The following BANK1 variants were observed in gnomAD, a reference collection of about 807,000 sequenced individuals.
BANK1 encodes B cell scaffold protein with ankyrin repeats 1.
Under a neutral mutation model 94.5 loss-of-function variants are expected in BANK1, and 95 were observed. That is an observed-to-expected ratio of 1.00 (90% CI 0.85 to 1.19). BANK1 has a LOEUF of 1.19. Among genes scored for constraint, BANK1 ranks in the 50% most tolerant of loss-of-function variants. The pLI is 0.00. For synonymous variants in BANK1, 334 were observed against 308.4 expected (o/e 1.08, Z -0.87); for missense variants, 987 against 932.2 (o/e 1.06, Z -0.77).
intron 9 of BANK1, among the ~76,000 whole-genome samples, chr4:102,027,446 T>G (rs1263582615): frequency 1.3e-5 from 2 of 152,202 alleles, no homozygotes; most frequent in Non-Finnish European, 2.9e-5. Context: ...TTTTTACATT[T>G]TATATTCAGT....
intron 7 of BANK1, among the ~76,000 whole-genome samples, chr4:101,924,081 C>T (rs1051357830): frequency 4.0e-5 from 6 of 151,536 alleles, no homozygotes; most frequent in Admixed American, 2.0e-4. Context: ...CTTAATGCAA[C>T]GTGTATGATA....
At chr4:101,860,953 G>T (rs1727852968) in intron 3 of BANK1, among the ~76,000 whole-genome samples, 1 of 152,184 alleles carries the variant, frequency 6.6e-6, no homozygotes, top group African/African-American at 2.4e-5. Flanking sequence ...GGCTCTTAAA[G>T]ATTTGAGGTA....
chr4:101,952,056 TTACCTA>T (rs1724178291), intron 7 of BANK1, among the ~76,000 whole-genome samples: 1 of 152,086 alleles, frequency 6.6e-6, no homozygotes, highest in Admixed American at 6.6e-5. Context: ...CTCATGGCTT[TTACCTA>T]TTAATAAATA....
intron 7 of BANK1, among the ~76,000 whole-genome samples, chr4:102,016,072 C>T (rs1578457378): frequency 6.6e-6 from 1 of 152,222 alleles, no homozygotes; most frequent in Admixed American, 6.5e-5. Context: ...CCCCATTGGC[C>T]GCTAATATTT....
rs2148874345 is a variant in BANK1, at chr4:101,855,209, T to C, written c.624+20T>C. On this transcript the variant is annotated intron_variant, in intron 3 of 16. Coordinates refer to ENST00000322953, the MANE Select transcript of BANK1 (RefSeq NM_017935.5). ...TGTGAGGTCAGTAAAGATACCTTGT[T>C]ATTTAAGTGACCCCATTGTGTTATG... The C allele has an allele frequency of 6.2e-7, 1 of 1,604,302 alleles. No homozygotes were observed. The highest frequency in any genetic ancestry group is 2.2e-5 in the East Asian group (1 of 44,794).
intron 2 of BANK1, among the ~76,000 whole-genome samples, chr4:101,851,354 A>T (rs996423980): frequency 6.6e-6 from 1 of 152,216 alleles, no homozygotes; most frequent in Non-Finnish European, 1.5e-5. Context: ...TAAATCATTT[A>T]AAAAAACCTA....
At chr4:101,948,012 T>G (rs186856199) in intron 7 of BANK1, among the ~76,000 whole-genome samples, 1 of 152,130 alleles carries the variant, frequency 6.6e-6, no homozygotes, top group South Asian at 2.1e-4. Context: ...ATATATGCTA[T>G]GTACTGGAAA....
chr4:101,953,941 C>T (rs1560650616), intron 7 of BANK1, among the ~76,000 whole-genome samples: 2 of 152,052 alleles, frequency 1.3e-5, no homozygotes, highest in Non-Finnish European at 2.9e-5. Context: ...CTAAAAGCAA[C>T]AGAAATTTGT....
At chr4:102,066,425 T>A (rs1201153984) in intron 13 of BANK1, among the ~76,000 whole-genome samples, 1 of 151,920 alleles carries the variant, frequency 6.6e-6, no homozygotes, top group Non-Finnish European at 1.5e-5. Flanking sequence ...CCCGGCTAAT[T>A]TTTTCTATTT....
chr4:102,036,424 C>T lies in BANK1; in HGVS notation c.1900+6159C>T, dbSNP rs1019236935. ...CGTGACAGAGTATAATGGTCTCTGT[C>T]CTCATTAGTAAAATACGGTCAAGTG... On this transcript the variant is annotated intron_variant, in intron 10 of 16. Coordinates refer to ENST00000322953, the MANE Select transcript of BANK1 (RefSeq NM_017935.5). Among the ~76,000 whole-genome samples the T allele has an allele frequency of 5.3e-5, 8 of 152,122 alleles. No individual in the cohort carries two copies. The South Asian group carries it at 8.3e-4, about 16-fold the overall frequency.
intron 7 of BANK1, among the ~76,000 whole-genome samples, chr4:102,004,546 G>A (rs1726185379): frequency 6.6e-6 from 1 of 152,136 alleles, no homozygotes; most frequent in Non-Finnish European, 1.5e-5. Context: ...GATGGCAGCT[G>A]TGAAGTATTA....
At chr4:102,063,229 C>A in intron 13 of BANK1, 91 bp downstream of exon 13, 2 of 1,160,836 alleles carry the variant, frequency 1.7e-6, no homozygotes, top group Non-Finnish European at 2.5e-6. Flanking sequence ...GAGTTCAAAT[C>A]TAAACCTCAA....
intron 7 of BANK1, among the ~76,000 whole-genome samples, chr4:102,000,758 A>G (rs1726039396): frequency 6.6e-6 from 1 of 152,206 alleles, no homozygotes; most frequent in Admixed American, 6.5e-5. Flanking sequence ...AATTAATTAG[A>G]TGTGCTGATT....
At position 101,923,361 on chromosome 4, in the gene BANK1, A is replaced by G. The variant is rs558183827; in HGVS notation, c.1206+5172A>G. On this transcript the variant is annotated intron_variant, in intron 7 of 16. Coordinates refer to ENST00000322953, the MANE Select transcript of BANK1 (RefSeq NM_017935.5). ...TGTATTGTTTAAAGACTATATATAT[A>G]TATGTGTGTGTGTGTGTGCTTTGCA... Among the ~76,000 whole-genome samples the G allele has an allele frequency of 2.0e-4, 30 of 151,850 alleles. No homozygotes were observed. The South Asian group carries it at 3.5e-3, about 18-fold the overall frequency.
chr4:101,886,101 T>C (rs1288117807), intron 5 of BANK1, among the ~76,000 whole-genome samples: 1 of 152,248 alleles, frequency 6.6e-6, no homozygotes, highest in Non-Finnish European at 1.5e-5. Context: ...TCTTATGCAT[T>C]ACAAGGCTGT....
At chr4:102,020,341 A>G (rs569698046) in intron 7 of BANK1, among the ~76,000 whole-genome samples, 28 of 152,194 alleles carry the variant, frequency 1.8e-4, no homozygotes, top group Non-Finnish European at 3.2e-4. Flanking sequence ...AAAATGTCAA[A>G]CCTCCTACTA....
chr4:101,799,399 G>A (rs899330871), intron 1 of BANK1, among the ~76,000 whole-genome samples: 2 of 152,150 alleles, frequency 1.3e-5, no homozygotes, highest in Non-Finnish European at 2.9e-5. Flanking sequence ...GTAGCATGAT[G>A]CCTCCAATTT....
chr4:101,904,319 G>A (rs1405637538), intron 6 of BANK1, among the ~76,000 whole-genome samples: 1 of 152,192 alleles, frequency 6.6e-6, no homozygotes, highest in African/African-American at 2.4e-5. Flanking sequence ...CCATTTGCCT[G>A]ATTTTTTCTT....
chr4:101,992,281 G>A (rs1367862548), intron 7 of BANK1, among the ~76,000 whole-genome samples: 2 of 152,044 alleles, frequency 1.3e-5, no homozygotes, highest in South Asian at 4.1e-4. Context: ...ATGACCAGTG[G>A]ATTTCTCAAT....
Sources: gnomAD v4.1 joint callset for allele counts (sites outside exome capture counted in the v4.1 genomes callset) on GRCh38, gnomAD v4.1.1 for gene constraint, MANE v1.5 for transcripts, NCBI Gene and HGNC (gene_info 2026-07-23, HGNC 2026-07-21) for gene names.